Variants in CTNNA3 observed in about 807,000 individuals in gnomAD.
CTNNA3 encodes the protein catenin alpha-3.
A neutral mutation model predicts 95.7 loss-of-function variants in CTNNA3; 76 were observed. The ratio of observed to expected loss-of-function variants is 0.79; its 90% confidence interval spans 0.66 to 0.96. The LOEUF (loss-of-function observed/expected upper bound fraction) is 0.96, where lower values mean the gene tolerates loss of function less well. Among genes scored for constraint, CTNNA3 ranks in the 40% least tolerant of loss-of-function variants. The probability of loss-of-function intolerance (pLI) is 0.00; values close to 1 mark genes in which losing one functional copy is unlikely to be tolerated. For missense variants in CTNNA3, 1,191 were observed against 1,089.8 expected (o/e 1.09, Z -1.31); for synonymous variants, 431 against 374.4 (o/e 1.15, Z -1.74).
chr10:67,044,006 T>C (rs935406488), intron 7 of CTNNA3, among the ~76,000 whole-genome samples: 1 of 150,294 alleles, frequency 6.7e-6, no homozygotes, highest in African/African-American at 2.4e-5. Context: ...ATACACTGTG[T>C]GATGCTGAGG....
intron 7 of CTNNA3, among the ~76,000 whole-genome samples, chr10:66,900,543 A>C (rs1274198543): frequency 6.6e-6 from 1 of 152,212 alleles, no homozygotes; most frequent in African/African-American, 2.4e-5. Flanking sequence ...TGACAGAAGT[A>C]GGCTTCAGAA....
chr10:67,091,627 G>A (rs567416301), intron 7 of CTNNA3, among the ~76,000 whole-genome samples: 5 of 152,120 alleles, frequency 3.3e-5, no homozygotes, highest in African/African-American at 1.2e-4. Context: ...ACAGATTAGG[G>A]AGACCAGTCA....
chr10:66,978,554 T>TATATATATAG, intron 7 of CTNNA3, among the ~76,000 whole-genome samples: 1 of 61,166 alleles, frequency 1.6e-5, no homozygotes, highest in Non-Finnish European at 3.6e-5. Context: ...AAAAAAAAAA[T>TATATATATAG]ATATATATAT....
chr10:67,011,690 C>T (rs771469084), intron 7 of CTNNA3, among the ~76,000 whole-genome samples: 2 of 152,068 alleles, frequency 1.3e-5, no homozygotes, highest in Admixed American at 1.3e-4. Context: ...ATATAGAGTG[C>T]TTACATGTAC....
At chr10:67,351,757 C>G (rs1447134552) in intron 5 of CTNNA3, among the ~76,000 whole-genome samples, 1 of 151,920 alleles carries the variant, frequency 6.6e-6, no homozygotes, top group African/African-American at 2.4e-5. Flanking sequence ...GTACTAAAGC[C>G]TGAATGAACC....
At chr10:67,357,969 C>T (rs1842872022) in intron 5 of CTNNA3, among the ~76,000 whole-genome samples, 1 of 151,864 alleles carries the variant, frequency 6.6e-6, no homozygotes, top group Non-Finnish European at 1.5e-5. Context: ...ATACAGAGTC[C>T]AGAAATAAAC....
chr10:66,917,241 C>T (rs1288745782), intron 7 of CTNNA3, among the ~76,000 whole-genome samples: 1 of 152,138 alleles, frequency 6.6e-6, no homozygotes, highest in Non-Finnish European at 1.5e-5. Flanking sequence ...GCATTTGCTA[C>T]CCGGGACTAA....
At chr10:67,171,968 C>A (rs899585949) in intron 7 of CTNNA3, among the ~76,000 whole-genome samples, 4 of 152,136 alleles carry the variant, frequency 2.6e-5, no homozygotes, top group African/African-American at 9.7e-5. Flanking sequence ...AAACTAATGG[C>A]CAGTACTTAG....
intron 5 of CTNNA3, among the ~76,000 whole-genome samples, chr10:67,307,465 T>C (rs749353150): frequency 1.3e-5 from 2 of 152,014 alleles, no homozygotes; most frequent in African/African-American, 2.4e-5. Context: ...ACTGATTAAT[T>C]GTTTGTTTGT....
chr10:66,079,718 T>C (rs2080676282), intron 14 of CTNNA3, among the ~76,000 whole-genome samples: 1 of 151,838 alleles, frequency 6.6e-6, no homozygotes, highest in Non-Finnish European at 1.5e-5. Flanking sequence ...TATGATTCAA[T>C]ATGACCAAGA....
At chr10:66,687,718 T>TAC (rs60736695) in intron 9 of CTNNA3, among the ~76,000 whole-genome samples, 4 of 143,054 alleles carry the variant, frequency 2.8e-5, no homozygotes, top group South Asian at 2.3e-4. Flanking sequence ...TATATATATA[T>TAC]ACACACACAC....
chr10:66,661,400 G>T (rs560596119), intron 9 of CTNNA3, among the ~76,000 whole-genome samples: 1 of 152,002 alleles, frequency 6.6e-6, no homozygotes, highest in Non-Finnish European at 1.5e-5. Context: ...GGGAAAGACC[G>T]CCCCCTATGA....
At chr10:66,909,516 A>C (rs139716692) in intron 7 of CTNNA3, among the ~76,000 whole-genome samples, 1 of 8,518 alleles carries the variant, frequency 1.2e-4, no homozygotes, top group African/African-American at 1.7e-4. Context: ...TCTCAAAATA[A>C]ATAAATAAAT....
chr10:67,392,369 C>A (rs551648648), intron 5 of CTNNA3, among the ~76,000 whole-genome samples: 3,778 of 152,234 alleles, frequency 0.025, 162 homozygotes, highest in African/African-American at 0.085. Flanking sequence ...CCATCTCACA[C>A]CAGTTAGAAT....
chr10:66,296,399 C>G (rs2091777165), intron 12 of CTNNA3, among the ~76,000 whole-genome samples: 1 of 152,094 alleles, frequency 6.6e-6, no homozygotes, highest in Non-Finnish European at 1.5e-5. Flanking sequence ...GTCTTCTAAA[C>G]AAAAGCACGA....
At chr10:66,531,521 C>A (rs1564515446) in intron 10 of CTNNA3, among the ~76,000 whole-genome samples, 1 of 151,978 alleles carries the variant, frequency 6.6e-6, no homozygotes, top group Non-Finnish European at 1.5e-5. Context: ...GCACTTGCCA[C>A]CATGCCCAAC....
chr10:67,721,932 G>A (rs1414574594), intron 1 of CTNNA3, among the ~76,000 whole-genome samples: 2 of 152,106 alleles, frequency 1.3e-5, no homozygotes, highest in African/African-American at 4.8e-5. Flanking sequence ...CTGCAGGTCT[G>A]CTGGAGTTTG....
intron 10 of CTNNA3, among the ~76,000 whole-genome samples, chr10:66,587,850 G>A (rs1446415168): frequency 2.6e-5 from 4 of 152,264 alleles, no homozygotes; most frequent in East Asian, 1.9e-4. Context: ...CTTTCAGGCC[G>A]CACCCCTTCT....
At chr10:66,986,973 C>T (rs117557585) in intron 7 of CTNNA3, among the ~76,000 whole-genome samples, 3,403 of 152,160 alleles carry the variant, frequency 0.022, 61 homozygotes, top group Non-Finnish European at 0.034. Context: ...GAATGGGCCT[C>T]ACTAATAAGC....
Sources: gnomAD v4.1 joint callset for allele counts (sites outside exome capture counted in the v4.1 genomes callset) on GRCh38, gnomAD v4.1.1 for gene constraint, MANE v1.5 for transcripts, NCBI Gene and HGNC (gene_info 2026-07-23, HGNC 2026-07-21) for gene names.